ACADL: variants seen among roughly 807,000 people sequenced by gnomAD.
ACADL encodes the protein long-chain specific acyl-CoA dehydrogenase, mitochondrial.
A neutral mutation model predicts 56.9 loss-of-function variants in ACADL; 60 were observed. The ratio of observed to expected loss-of-function variants is 1.05; its 90% confidence interval spans 0.86 to 1.31. ACADL has a LOEUF of 1.31. Among genes scored for constraint, ACADL ranks in the 50% most tolerant of loss-of-function variants. The pLI is 0.00. For synonymous variants in ACADL, 158 were observed against 179.7 expected (o/e 0.88, Z 0.97); for missense variants, 484 against 525.5 (o/e 0.92, Z 0.77).
At chr2:210,217,722 A>C (rs1275343006) in intron 3 of ACADL, 5 of 484,220 alleles carry the variant, frequency 1.0e-5, no homozygotes, top group Non-Finnish European at 3.6e-6. Context: ...ACAGGAAAAA[A>C]AAACTATCTC....
intron 4 of ACADL, 114 bp from the exon 5 acceptor site, chr2:210,210,376 T>C (rs1422146244): frequency 9.3e-6 from 7 of 754,916 alleles, no homozygotes; most frequent in East Asian, 5.7e-5. Flanking sequence ...CATTATAAAA[T>C]TGCTGAGTAT....
At position 210,195,297 on chromosome 2, in the gene ACADL, A is replaced by G. The variant is rs764887038; in HGVS notation, c.1026T>C (p.Cys342=). 1 of 1,613,732 alleles carries G rather than the reference A, an allele frequency of 6.2e-7. No homozygotes were observed. The highest frequency in any genetic ancestry group is 8.5e-7 in the Non-Finnish European group (1 of 1,179,682). The change falls in exon 9 of 11, where the codon TGT becomes TGC. Residue 342 remains cysteine, a synonymous_variant. Coordinates refer to ENST00000233710, the MANE Select transcript of ACADL (RefSeq NM_001608.4). ...AGTTGTCCACAAATGCTCGGGTTAC[A>G]CATATATGTGTTTTTAATTCTGCTA... is the stretch of plus-strand genomic sequence containing the variant. ...HKLAELKTHI[C]VTRAFVDNCL...
At chr2:210,212,811 G>A (rs1275430317) in intron 4 of ACADL, among the ~76,000 whole-genome samples, 1 of 152,104 alleles carries the variant, frequency 6.6e-6, no homozygotes, top group African/African-American at 2.4e-5. Flanking sequence ...ATAAACATTT[G>A]TTAAATTATA....
intron 1 of ACADL, among the ~76,000 whole-genome samples, chr2:210,222,069 T>C (rs1227828379): frequency 1.3e-5 from 2 of 152,210 alleles, no homozygotes; most frequent in Non-Finnish European, 2.9e-5. Context: ...AAGTATCATT[T>C]TTTTTGTGGC....
At chr2:210,205,563 A>G in intron 6 of ACADL, 69 bp downstream of exon 6, 1 of 1,495,288 alleles carries the variant, frequency 6.7e-7, no homozygotes, top group South Asian at 1.2e-5. Context: ...GTAATCCTCT[A>G]TGTAAGTCTC....
At chr2:210,197,347 C>T (rs1209222118) in intron 8 of ACADL, among the ~76,000 whole-genome samples, 1 of 152,078 alleles carries the variant, frequency 6.6e-6, no homozygotes, top group African/African-American at 2.4e-5. Context: ...AACTTTCTTC[C>T]CCGCTTATTG....
At chr2:210,204,761 T>G in intron 6 of ACADL, 79 bp from the exon 7 acceptor site, 2 of 1,213,106 alleles carry the variant, frequency 1.6e-6, no homozygotes, top group Non-Finnish European at 2.4e-6. Context: ...AAGTGAATAT[T>G]ATTTTTTCCA....
chr2:210,189,924 C>G (rs1261079886), intron 10 of ACADL, among the ~76,000 whole-genome samples: 1 of 152,106 alleles, frequency 6.6e-6, no homozygotes, highest in Non-Finnish European at 1.5e-5. Context: ...TATTCTGCCT[C>G]TTTTTCAAAT....
At chr2:210,195,376 G>A in intron 8 of ACADL, 38 bp from the exon 9 acceptor site, 1 of 1,590,492 alleles carries the variant, frequency 6.3e-7, no homozygotes, top group Admixed American at 1.7e-5. Flanking sequence ...AAGTGAGCAT[G>A]GTAGAAATAT....
At chr2:210,192,138 T>G (rs1688643256) in intron 10 of ACADL, among the ~76,000 whole-genome samples, 1 of 151,794 alleles carries the variant, frequency 6.6e-6, no homozygotes, top group Admixed American at 6.6e-5. Flanking sequence ...TAGATCCTTT[T>G]CATATGCCAG....
intron 1 of ACADL, among the ~76,000 whole-genome samples, chr2:210,221,385 C>G (rs1363846007): frequency 6.6e-6 from 1 of 152,178 alleles, no homozygotes; most frequent in Non-Finnish European, 1.5e-5. Flanking sequence ...TCCCATCCCT[C>G]CCACACCAAG....
intron 10 of ACADL, among the ~76,000 whole-genome samples, chr2:210,190,103 G>T (rs964784593): frequency 1.3e-5 from 2 of 151,586 alleles, no homozygotes; most frequent in African/African-American, 4.9e-5. Context: ...AATTAAATGT[G>T]CCAGCTCTCT....
chr2:210,223,512 A>G (rs937635449), intron 1 of ACADL, among the ~76,000 whole-genome samples: 1 of 152,180 alleles, frequency 6.6e-6, no homozygotes, highest in Non-Finnish European at 1.5e-5. Context: ...TCCTTTGCAC[A>G]TTAAAGGTAA....
intron 5 of ACADL, among the ~76,000 whole-genome samples, chr2:210,209,128 T>C (rs1688939865): frequency 6.6e-6 from 1 of 152,210 alleles, no homozygotes; most frequent in Non-Finnish European, 1.5e-5. Context: ...TAAACAAATA[T>C]TTATTAAAGT....
At chr2:210,205,310 G>A (rs1231227064) in intron 6 of ACADL, among the ~76,000 whole-genome samples, 1 of 152,178 alleles carries the variant, frequency 6.6e-6, no homozygotes, top group Non-Finnish European at 1.5e-5. Flanking sequence ...ACAGGTGTGA[G>A]CCACTGTGCC....
rs371663606 is a variant in ACADL at position 210,205,587 on chromosome 2, A to G, written c.768+45T>C. 2.7e-4 allele frequency: 425 copies of G among 1,592,166 alleles called. 1 individual carries two copies. The highest frequency in any genetic ancestry group is 3.6e-4 in the Non-Finnish European group (413 of 1,161,576). On this transcript the variant is annotated intron_variant, in intron 6 of 10. Coordinates refer to ENST00000233710, the MANE Select transcript of ACADL (RefSeq NM_001608.4). ...TATGTAAGTCTCCTATCTGATTAACAGTAAACTCAATTAGTATCTGAATAT... is the reference window on the plus strand; with the variant it reads ...TATGTAAGTCTCCTATCTGATTAACGGTAAACTCAATTAGTATCTGAATAT...
At chr2:210,222,697 T>C (rs1331449233) in intron 1 of ACADL, among the ~76,000 whole-genome samples, 14 of 152,234 alleles carry the variant, frequency 9.2e-5, no homozygotes, top group Admixed American at 9.2e-4. Flanking sequence ...TGATGTGTTC[T>C]AGAAAGAGCA....
rs930126004 is a variant in ACADL at position 210,216,297 on chromosome 2, T to C, written c.536+50A>G. 10 of 1,601,584 alleles carry C rather than the reference T, an allele frequency of 6.2e-6. No homozygotes were observed. The East Asian group carries it at 2.2e-4, about 36-fold the overall frequency. Reference sequence around the variant, plus strand: ...ATGTATTAACCAAGTACTAAGAAAATGTTAAGGCACTGCTTCCAAGAATCC... The same window carrying C: ...ATGTATTAACCAAGTACTAAGAAAACGTTAAGGCACTGCTTCCAAGAATCC... On this transcript the variant is annotated intron_variant, in intron 4 of 10. Coordinates refer to ENST00000233710, the MANE Select transcript of ACADL (RefSeq NM_001608.4).
chr2:210,217,044 T>A (rs77660014), intron 3 of ACADL, among the ~76,000 whole-genome samples: 1,635 of 148,632 alleles, frequency 0.011, 26 homozygotes, highest in African/African-American at 0.036. Flanking sequence ...AAATTTAAAA[T>A]TTAAAAATAA....
Sources: allele counts gnomAD v4.1 joint callset (sites outside exome capture counted in the v4.1 genomes callset), GRCh38; gene constraint gnomAD v4.1.1; transcripts MANE v1.5; gene names NCBI Gene and HGNC (gene_info 2026-07-23, HGNC 2026-07-21).